The following TRRAP variants were observed in gnomAD, a reference collection of about 807,000 sequenced individuals.
The protein encoded by TRRAP is transformation/transcription domain associated protein, also known as transformation/transcription domain-associated protein.
In TRRAP, 41 loss-of-function variants were observed where a neutral mutation model predicts 438.8. The ratio of observed to expected loss-of-function variants is 0.09; its 90% CI spans 0.07 to 0.12. TRRAP has a LOEUF of 0.12. Among genes scored for constraint, TRRAP ranks in the 10% least tolerant of loss-of-function variants. The pLI is 1.00. For synonymous variants in TRRAP, 1,994 were observed against 1,962.9 expected (o/e 1.02, Z -0.42); for missense variants, 3,122 against 5,055.1 (o/e 0.62, Z 11.60).
In TRRAP at chr7:99,011,027, A is replaced by G. The variant is rs35873279; in HGVS notation, c.10939-25A>G. The G allele has an allele frequency of 6.3e-6, 10 of 1,597,132 alleles. No homozygotes were observed. Among genetic ancestry groups the G allele is most frequent in the Non-Finnish European group, 7.7e-6 (9 of 1,166,924 alleles). ...AAAAAAAATCAGTGAGTGAGATGGGAGTGTCACGGAGCGCTGTGTTTCAGG... is the reference window on the plus strand; with the variant it reads ...AAAAAAAATCAGTGAGTGAGATGGGGGTGTCACGGAGCGCTGTGTTTCAGG... On this transcript the variant is annotated intron_variant, in intron 70 of 72. Transcript: ENST00000456197. This position sits in a 1 kb window ranked among gnomAD's most constrained non-coding sequence, Gnocchi z 7.1.
chr7:99,000,546 A>C (rs1452832356), intron 67 of TRRAP, among the ~76,000 whole-genome samples: 1 of 151,954 alleles, frequency 6.6e-6, no homozygotes, highest in Non-Finnish European at 1.5e-5. Context: ...CACTCTGCGC[A>C]CTCCAGCCTT....
Position 99,011,957 on chromosome 7 carries a change from T to C in TRRAP, c.11338-114T>C. On this transcript the variant is annotated intron_variant, in intron 72 of 72. Transcript: ENST00000456197. The surrounding 1 kb of genome is among the most constrained non-coding windows in gnomAD (Gnocchi z 7.1). The stretch of plus-strand genomic sequence containing the variant: ...GCCTGGCCTGGTGCTGAAACTCGAC[T>C]GGCCCTTGGTGGCCCTGAGCGGCCG... 7.4e-7 allele frequency: 1 copy of C among 1,357,120 alleles called. No individual in the cohort carries two copies. 84.1% of individuals were successfully genotyped at this position (1,357,120 alleles called of 1,614,324 possible). A position where few individuals can be genotyped will look rare whatever the true frequency, so the allele number is the denominator to read the frequency against.
intron 20 of TRRAP, among the ~76,000 whole-genome samples, chr7:98,919,986 TG>T (rs1200048929): frequency 2.2e-4 from 33 of 152,296 alleles, no homozygotes; most frequent in African/African-American, 7.2e-4. Context: ...TGGGTGGGCC[TG>T]GTGGAGGGTA....
chr7:98,976,936 C>T lies in TRRAP; in HGVS notation c.8248-3C>T. On this transcript the variant is annotated splice_region_variant and splice_polypyrimidine_tract_variant and intron_variant, in intron 55 of 72. Coordinates refer to ENST00000456197, the MANE Select transcript of TRRAP (RefSeq NM_001375524.1). This position sits in a 1 kb window ranked among gnomAD's most constrained non-coding sequence, Gnocchi z 4.6. ...ACTCAGGAACCTTACTTTGTGTTTT[C>T]AGGAGATACTGGATTCCCTTGCGGA... The T allele has an allele frequency of 2.5e-6, 4 of 1,614,032 alleles. No homozygotes were observed. Among genetic ancestry groups the T allele is most frequent in the Non-Finnish European group, 3.4e-6 (4 of 1,180,010 alleles).
At chr7:98,881,400 A>G in intron 2 of TRRAP, 150 bp downstream of exon 2, 1 of 633,732 alleles carries the variant, frequency 1.6e-6, no homozygotes, top group Admixed American at 3.7e-5. Flanking sequence ...TGGTGAAACC[A>G]CGTCTCTACT....
At chr7:98,947,581 G>A (rs188590254) in intron 33 of TRRAP, among the ~76,000 whole-genome samples, 200 of 152,050 alleles carry the variant, frequency 1.3e-3, no homozygotes, top group African/African-American at 4.2e-3. Flanking sequence ...TCAGCCTCTG[G>A]AGTAGCTGGG....
chr7:98,955,896 A>G (rs2116637555), intron 41 of TRRAP, among the ~76,000 whole-genome samples: 1 of 152,232 alleles, frequency 6.6e-6, no homozygotes, highest in South Asian at 2.1e-4. Context: ...TTCAAGACTG[A>G]AGTATACTAT....
Position 98,994,885 on chromosome 7 carries a change from T to G in TRRAP, c.10309+37T>G. 1 of 1,600,520 alleles carries G rather than the reference T, an allele frequency of 6.2e-7. No individual in the cohort carries two copies. The highest frequency in any genetic ancestry group is 8.5e-7 in the Non-Finnish European group (1 of 1,170,822). ...TTTTCCTTCCCTTCCATAGGGAGAA[T>G]TGTGCACGCTGATTTCCTCCGGCTT... On this transcript the variant is annotated intron_variant, in intron 67 of 72. Transcript: ENST00000456197. The surrounding 1 kb of genome is among the most constrained non-coding windows in gnomAD (Gnocchi z 4.8).
Position 98,935,649 on chromosome 7 carries a change from T to C in TRRAP, c.4085T>C (p.Leu1362Pro). 2 of 1,600,690 alleles carry C rather than the reference T, an allele frequency of 1.2e-6. No homozygotes were observed. Among genetic ancestry groups the C allele is most frequent in the Non-Finnish European group, 1.7e-6 (2 of 1,169,136 alleles). The change falls in exon 28 of 73, where the codon CTC (leucine) becomes CCC (proline). Residue 1362 changes from leucine to proline, a missense_variant. Around this residue, in one of 24 missense-constraint regions of TRRAP, gnomAD observed 84 missense variants for 119.8 expected, o/e 0.70. Coordinates refer to ENST00000456197, the MANE Select transcript of TRRAP (RefSeq NM_001375524.1). The part of the protein sequence containing the change: ...KLPCYKSLPS[L>P]VPLRIAALNA... ...CCCTGTTATAAAAGCCTTCCGTCACTCGTACCTTTACGAATTGCGGCATTA... is the reference window on the plus strand; with the variant it reads ...CCCTGTTATAAAAGCCTTCCGTCACCCGTACCTTTACGAATTGCGGCATTA...
chr7:98,930,625 C>A lies in TRRAP; in HGVS notation c.3394-8C>A. ...AACGTGTTGTGGTTTGTTCATTTTC[C>A]TCTCCAGGCCTGCCAGCTGCCCCTG... On this transcript the variant is annotated splice_polypyrimidine_tract_variant and splice_region_variant and intron_variant, in intron 24 of 72. Coordinates refer to ENST00000456197, the MANE Select transcript of TRRAP (RefSeq NM_001375524.1). 6.2e-7 allele frequency: 1 copy of A among 1,612,796 alleles called. No individual in the cohort carries two copies. The highest frequency in any genetic ancestry group is 1.3e-5 in the African/African-American group (1 of 74,962).
At chr7:98,949,271 C>G in intron 35 of TRRAP, 146 bp from the exon 36 acceptor site, 1 of 952,640 alleles carries the variant, frequency 1.0e-6, no homozygotes, top group Non-Finnish European at 1.4e-6. Flanking sequence ...TTTTAAAAAG[C>G]ATGCGTGTGG....
intron 46 of TRRAP, 27 bp from the exon 47 acceptor site, chr7:98,962,275 A>G: frequency 6.2e-7 from 1 of 1,613,908 alleles, no homozygotes; most frequent in Non-Finnish European, 8.5e-7. Flanking sequence ...CCATAACCAC[A>G]GTGCCTGGGT....
At chr7:99,008,595 C>T (rs199718077) in intron 70 of TRRAP, 34 bp downstream of exon 70, 1,307 of 1,606,106 alleles carry the variant, frequency 8.1e-4, no homozygotes, top group Non-Finnish European at 8.2e-4. Context: ...GCCGAGCTGC[C>T]GCCTGCAGCC....
chr7:98,969,924 C>T (rs1357732306), intron 51 of TRRAP, among the ~76,000 whole-genome samples, 188 bp from the exon 52 acceptor site: 2 of 151,984 alleles, frequency 1.3e-5, no homozygotes, highest in African/African-American at 2.4e-5. Flanking sequence ...TGTATGTGGA[C>T]GATGCCTTGG....
intron 14 of TRRAP, among the ~76,000 whole-genome samples, chr7:98,909,246 A>G (rs1412455308): frequency 6.6e-6 from 1 of 151,398 alleles, no homozygotes; most frequent in Non-Finnish European, 1.5e-5. Context: ...CTGGTCTCGA[A>G]CTCCTGGCCT....
chr7:98,976,405 G>T lies in TRRAP; in HGVS notation c.7960-78G>T. 6.4e-7 allele frequency: 1 copy of T among 1,573,832 alleles called. No homozygotes were observed. Among genetic ancestry groups the T allele is most frequent in the Non-Finnish European group, 8.6e-7 (1 of 1,162,738 alleles). On this transcript the variant is annotated intron_variant, in intron 54 of 72. Transcript: ENST00000456197. This position sits in a 1 kb window ranked among gnomAD's most constrained non-coding sequence, Gnocchi z 4.6. ...CTGTCACTCGAGCGAATTAGGAAAG[G>T]TATTCTTGCATCGAGAGAGACAGCA...
At chr7:98,918,200 T>C (rs1239563708) in intron 20 of TRRAP, among the ~76,000 whole-genome samples, 1 of 151,310 alleles carries the variant, frequency 6.6e-6, no homozygotes, top group Non-Finnish European at 1.5e-5. Context: ...TGCCTGTTTT[T>C]CAGAGAGCCT....
intron 64 of TRRAP, among the ~76,000 whole-genome samples, chr7:98,991,736 A>C (rs1334301921): frequency 3.3e-5 from 5 of 152,194 alleles, no homozygotes; most frequent in Non-Finnish European, 7.4e-5. Flanking sequence ...TTGATAATGG[A>C]ATTAGTTCAC....
rs150641831 is a variant in TRRAP at position 98,949,040 on chromosome 7, A to G, written c.4788+355A>G. ...TTGAGCCCAGGAGTTTGAGACCAGC[A>G]TGGGCAACAGAGTGAGACCTTGTCT... On this transcript the variant is annotated intron_variant, in intron 35 of 72. Coordinates refer to ENST00000456197, the MANE Select transcript of TRRAP (RefSeq NM_001375524.1). Among the ~76,000 whole-genome samples, 261 of 152,288 alleles carry G rather than the reference A, an allele frequency of 1.7e-3. 2 individuals carry two copies. The highest frequency in any genetic ancestry group is 6.0e-3 in the African/African-American group (250 of 41,556).
Sources: gnomAD v4.1 joint callset for allele counts (sites outside exome capture counted in the v4.1 genomes callset) on GRCh38, gnomAD v4.1.1 for gene constraint, gnomAD v4.1.1 regional missense constraint, Gnocchi (gnomAD v3.1) non-coding constraint, MANE v1.5 for transcripts, NCBI Gene and HGNC (gene_info 2026-07-23, HGNC 2026-07-21) for gene names.